ZNF101: variants seen among roughly 807,000 people sequenced by gnomAD.
ZNF101 encodes zinc finger protein 101, also known as zinc finger protein 101 (Y2).
A neutral mutation model predicts 42.6 loss-of-function variants in ZNF101; 34 were observed. The observed-to-expected ratio is 0.80, with a 90% CI of 0.61 to 1.06. ZNF101 has a LOEUF of 1.06. ZNF101 is among the 50% of genes least tolerant of loss of function. ZNF101 has a pLI of 0.00. For synonymous variants in ZNF101, 158 were observed against 183.9 expected (o/e 0.86, Z 1.14); for missense variants, 466 against 530.9 (o/e 0.88, Z 1.20).
chr19:19,670,589 T>G (rs2062162208), intron 1 of ZNF101, among the ~76,000 whole-genome samples: 1 of 151,952 alleles, frequency 6.6e-6, no homozygotes, highest in Non-Finnish European at 1.5e-5. Context: ...AGACCCCATT[T>G]CTACAACAAA....
chr19:19,679,429 G>T lies in ZNF101; in HGVS notation c.440G>T (p.Gly147Val), dbSNP rs765513308. ...ACGCCCCGTAAACAGAAACAACATG[G>T]GAAAGCCTCCATTTCCCCCAGTAGT... ...RETPRKQKQH[G>V]KASISPSSGA... The change falls in exon 4 of 4, where the codon GGG (glycine) becomes GTG (valine). Residue 147 changes from glycine to valine, a missense_variant. Coordinates refer to ENST00000592502, the MANE Select transcript of ZNF101 (RefSeq NM_033204.4). 6.2e-7 allele frequency: 1 copy of T among 1,613,974 alleles called. No individual in the cohort carries two copies. Among genetic ancestry groups the T allele is most frequent in the Non-Finnish European group, 8.5e-7 (1 of 1,179,952 alleles).
In ZNF101 at chr19:19,669,678, G is replaced by A. The variant is rs1430642045; in HGVS notation, c.3+712G>A. Among the ~76,000 whole-genome samples, 3 of 151,990 alleles carry A rather than the reference G, an allele frequency of 2.0e-5. No homozygotes were observed. In the East Asian group the frequency reaches 5.8e-4, roughly 29 times the overall value. ...CCGGCTAACTTGTATTTTCAGTAGAGACAGGTTCACCATGTTGGCCGTGCT... is the reference window on the plus strand; with the variant it reads ...CCGGCTAACTTGTATTTTCAGTAGAAACAGGTTCACCATGTTGGCCGTGCT... On this transcript the variant is annotated intron_variant, in intron 1 of 3. Coordinates refer to ENST00000592502, the MANE Select transcript of ZNF101 (RefSeq NM_033204.4).
chr19:19,673,949 G>A (rs897169011), intron 1 of ZNF101, among the ~76,000 whole-genome samples: 16 of 150,186 alleles, frequency 1.1e-4, no homozygotes, highest in South Asian at 2.1e-4. Flanking sequence ...GCCTGCCACC[G>A]CGCCCGACTA....
chr19:19,668,714 C>T (rs1434583073), upstream of ZNF101: 3 of 481,314 alleles, frequency 6.2e-6, no homozygotes, highest in Non-Finnish European at 1.1e-5. Flanking sequence ...TCGCTCAAGC[C>T]CCAGGGGCGG....
In ZNF101 at chr19:19,679,970, A is replaced by T. The variant is rs923449965; in HGVS notation, c.981A>T (p.Ala327=). 1.2e-6 allele frequency: 2 copies of T among 1,613,690 alleles called. No homozygotes were observed. The highest frequency in any genetic ancestry group is 2.7e-5 in the African/African-American group (2 of 74,818). The part of the protein sequence containing the change: ...KVFRCPTSLQ[A]HERAHTGERP... ...TTAGATGTCCCACGTCCCTTCAAGCACATGAAAGAGCTCACACTGGAGAAA... is the reference window on the plus strand; with the variant it reads ...TTAGATGTCCCACGTCCCTTCAAGCTCATGAAAGAGCTCACACTGGAGAAA... The change falls in exon 4 of 4, where the codon GCA becomes GCT. Residue 327 remains alanine, a synonymous_variant. Transcript: ENST00000592502.
In ZNF101 at chr19:19,681,161, C is replaced by T. The variant is rs1226464303; in HGVS notation, c.*861C>T. On this transcript the variant is annotated 3_prime_UTR_variant, in exon 4 of 4. Transcript: ENST00000592502. The stretch of plus-strand genomic sequence containing the variant: ...TTCTCATTTATACAGGAGAGAAATC[C>T]TATGAATGTAAGGAATATGGGAATA... 2.6e-5 allele frequency: 4 copies of T among 152,044 alleles called. No individual in the cohort carries two copies. Among genetic ancestry groups the T allele is most frequent in the Non-Finnish European group, 5.9e-5 (4 of 68,006 alleles). 9.4% of individuals were successfully genotyped at this position (152,044 alleles called of 1,614,324 possible). A position where few individuals can be genotyped will look rare whatever the true frequency, so the allele number is the denominator to read the frequency against.
Position 19,679,949 on chromosome 19 carries a change from A to T in ZNF101, c.960A>T (p.Arg320Ser). ...GTCAAAAATGTGCCAAAGTCTTTAG[A>T]TGTCCCACGTCCCTTCAAGCACATG... ...YECQKCAKVF[R>S]CPTSLQAHER... Residue 320 changes from arginine (R) to serine (S), a missense_variant, in exon 4 of 4, where the codon AGA (arginine) becomes AGT (serine). Transcript: ENST00000592502. 1 of 1,614,120 alleles carries T rather than the reference A, an allele frequency of 6.2e-7. No homozygotes were observed. The highest frequency in any genetic ancestry group is 8.5e-7 in the Non-Finnish European group (1 of 1,180,006).
In ZNF101 at chr19:19,672,807, A is replaced by G. The variant is rs149813358; in HGVS notation, c.3+3841A>G. 6.5e-3 allele frequency among the ~76,000 whole-genome samples: 992 copies of G among 152,274 alleles called. 8 individuals are homozygous for G. The highest frequency in any genetic ancestry group is 0.023 in the African/African-American group (956 of 41,568). On this transcript the variant is annotated intron_variant, in intron 1 of 3. Coordinates refer to ENST00000592502, the MANE Select transcript of ZNF101 (RefSeq NM_033204.4). ...CTCCCAAAGTGTTGGGATTATAGGC[A>G]TGAGCCACTGTGACTGGCTGGTATT...
At chr19:19,675,164 T>C (rs1476454005) in intron 1 of ZNF101, among the ~76,000 whole-genome samples, 1 of 147,900 alleles carries the variant, frequency 6.8e-6, no homozygotes, top group African/African-American at 2.5e-5. Context: ...TGAGATGGAG[T>C]TTCACTCTTG....
At position 19,681,921 on chromosome 19, in the gene ZNF101, T is replaced by A. The variant is rs1194303806; in HGVS notation, c.*1621T>A. ...TATCAGTGGCTCATTCTTTTTTCTTTCTTTTTTTTTTTTTTTTTTGAGATG... is the reference window on the plus strand; with the variant it reads ...TATCAGTGGCTCATTCTTTTTTCTTACTTTTTTTTTTTTTTTTTTGAGATG... On this transcript the variant is annotated 3_prime_UTR_variant, in exon 4 of 4. Transcript: ENST00000592502. 6.9e-6 allele frequency: 1 copy of A among 145,138 alleles called. No homozygotes were observed. Among genetic ancestry groups the A allele is most frequent in the Non-Finnish European group, 1.5e-5 (1 of 65,700 alleles). 9.0% of individuals were successfully genotyped at this position (145,138 alleles called of 1,614,324 possible).
At chr19:19,673,583 A>G (rs906876344) in intron 1 of ZNF101, among the ~76,000 whole-genome samples, 2 of 150,034 alleles carry the variant, frequency 1.3e-5, no homozygotes, top group African/African-American at 4.9e-5. Flanking sequence ...TGAACACAAG[A>G]TATTTTTCAA....
At chr19:19,674,611 T>G (rs771661790) in intron 1 of ZNF101, among the ~76,000 whole-genome samples, 11 of 152,230 alleles carry the variant, frequency 7.2e-5, no homozygotes, top group Non-Finnish European at 1.6e-4. Flanking sequence ...TTGATATTCA[T>G]AAAGGGCATT....
At chr19:19,677,823 GA>G (rs1231532576) in intron 1 of ZNF101, 40 bp from the exon 2 acceptor site, 3 of 1,600,440 alleles carry the variant, frequency 1.9e-6, no homozygotes, top group Non-Finnish European at 2.6e-6. Flanking sequence ...CCCCAGTGCT[GA>G]GTCTCACCCC....
At chr19:19,670,685 G>T (rs1004823151) in intron 1 of ZNF101, among the ~76,000 whole-genome samples, 2 of 152,124 alleles carry the variant, frequency 1.3e-5, no homozygotes, top group Non-Finnish European at 2.9e-5. Flanking sequence ...TGAACCCGGG[G>T]AGGTTGAGAC....
At chr19:19,673,968 A>G (rs1248057500) in intron 1 of ZNF101, among the ~76,000 whole-genome samples, 2 of 150,484 alleles carry the variant, frequency 1.3e-5, no homozygotes, top group Non-Finnish European at 3.0e-5. Flanking sequence ...TAATTTTTGT[A>G]TTTTTAGTAG....
At chr19:19,672,315 G>C (rs1182002269) in intron 1 of ZNF101, 3 of 150,918 alleles carry the variant, frequency 2.0e-5, no homozygotes, top group Non-Finnish European at 4.4e-5. Flanking sequence ...CCCACGCCCG[G>C]TAGCTGAACC....
intron 1 of ZNF101, among the ~76,000 whole-genome samples, chr19:19,674,763 T>C (rs1226561948): frequency 6.6e-6 from 1 of 152,132 alleles, no homozygotes; most frequent in Non-Finnish European, 1.5e-5. Context: ...TTTTGGTGGA[T>C]TTCAGCAGTG....
intron 2 of ZNF101, among the ~76,000 whole-genome samples, chr19:19,678,225 CTT>C (rs200595140): frequency 7.0e-6 from 1 of 141,944 alleles, no homozygotes; most frequent in South Asian, 2.3e-4. Context: ...GACCCTGTCT[CTT>C]TAAAAAAAAA....
chr19:19,678,358 G>A (rs2062215732), intron 2 of ZNF101, among the ~76,000 whole-genome samples: 1 of 152,096 alleles, frequency 6.6e-6, no homozygotes, highest in African/African-American at 2.4e-5. Context: ...GCTCCTGCCT[G>A]TAATCCCAGC....
Sources: allele counts gnomAD v4.1 joint callset (sites outside exome capture counted in the v4.1 genomes callset), GRCh38; gene constraint gnomAD v4.1.1; transcripts MANE v1.5; gene names NCBI Gene and HGNC (gene_info 2026-07-23, HGNC 2026-07-21).